The following MEOX2 variants were observed in gnomAD, a reference collection of about 807,000 sequenced individuals.
MEOX2 encodes the protein mesenchyme homeobox 2.
In MEOX2, 11 loss-of-function variants were observed where a neutral mutation model predicts 27.0. The observed-to-expected ratio is 0.41, with a 90% confidence interval of 0.26 to 0.68. The LOEUF is 0.68. Ranked by LOEUF, MEOX2 falls within the 30% of genes least tolerant of loss-of-function variation. The probability of loss-of-function intolerance (pLI) is 0.33; values close to 1 mark genes in which losing one functional copy is unlikely to be tolerated. For synonymous variants in MEOX2, 189 were observed against 155.4 expected (o/e 1.22, Z -1.61); for missense variants, 436 against 385.4 (o/e 1.13, Z -1.10).
At chr7:15,670,726 A>G (rs1408195954) in intron 1 of MEOX2, among the ~76,000 whole-genome samples, 3 of 152,228 alleles carry the variant, frequency 2.0e-5, no homozygotes, top group Non-Finnish European at 4.4e-5. Flanking sequence ...ATTGATGCTG[A>G]GCATATATGT....
chr7:15,648,205 T>A (rs1485586659), intron 1 of MEOX2, among the ~76,000 whole-genome samples: 1 of 152,096 alleles, frequency 6.6e-6, no homozygotes. Context: ...CTTCTCTGAA[T>A]TATTATGAAC....
intron 1 of MEOX2, among the ~76,000 whole-genome samples, chr7:15,668,696 GA>G (rs1562612745): frequency 6.6e-6 from 1 of 151,906 alleles, no homozygotes. Flanking sequence ...GGCTCGTCTC[GA>G]ACTCCTGATC....
At chr7:15,643,951 G>C (rs967660380) in intron 1 of MEOX2, among the ~76,000 whole-genome samples, 1 of 152,182 alleles carries the variant, frequency 6.6e-6, no homozygotes, top group African/African-American at 2.4e-5. Flanking sequence ...AACAAAACAA[G>C]ACAATGCTGT....
At chr7:15,675,421 A>T (rs1002179458) in intron 1 of MEOX2, among the ~76,000 whole-genome samples, 1 of 152,228 alleles carries the variant, frequency 6.6e-6, no homozygotes, top group Non-Finnish European at 1.5e-5. Context: ...TGTTCACTTA[A>T]AAGCAGTAGT....
At chr7:15,641,837 G>C (rs759092103) in intron 1 of MEOX2, among the ~76,000 whole-genome samples, 1 of 151,828 alleles carries the variant, frequency 6.6e-6, no homozygotes, top group Non-Finnish European at 1.5e-5. Flanking sequence ...GTGTTTGCTT[G>C]TTTGAAAAAA....
intron 1 of MEOX2, among the ~76,000 whole-genome samples, chr7:15,667,742 T>C (rs968848144): frequency 1.3e-5 from 2 of 152,194 alleles, no homozygotes; most frequent in Non-Finnish European, 2.9e-5. Flanking sequence ...CTAAGGTTAA[T>C]AAGTGATTTT....
chr7:15,643,539 T>C (rs552316367), intron 1 of MEOX2, among the ~76,000 whole-genome samples: 6 of 152,264 alleles, frequency 3.9e-5, no homozygotes, highest in African/African-American at 1.4e-4. Flanking sequence ...ACATGAGTCA[T>C]GCCCAGGGGA....
At chr7:15,655,122 T>A (rs1034255491) in intron 1 of MEOX2, among the ~76,000 whole-genome samples, 1 of 151,686 alleles carries the variant, frequency 6.6e-6, no homozygotes, top group Non-Finnish European at 1.5e-5. Flanking sequence ...TTGTGCTTTT[T>A]AAAAAGTGGG....
intron 2 of MEOX2, among the ~76,000 whole-genome samples, chr7:15,626,540 A>T (rs1324203087): frequency 6.6e-6 from 1 of 151,982 alleles, no homozygotes. Context: ...TTCTTTCTTC[A>T]ACTCAATAAG....
chr7:15,614,078 G>T (rs1222246442), intron 2 of MEOX2, among the ~76,000 whole-genome samples: 1 of 150,416 alleles, frequency 6.6e-6, no homozygotes, highest in South Asian at 2.1e-4. Context: ...CTAGTGTTTT[G>T]TGTTTTCTTT....
chr7:15,659,931 C>A (rs1446032123), intron 1 of MEOX2, among the ~76,000 whole-genome samples: 3 of 152,068 alleles, frequency 2.0e-5, no homozygotes, highest in Non-Finnish European at 4.4e-5. Context: ...GCACACAGAA[C>A]TACAGACTTT....
chr7:15,643,341 G>A (rs1346022386), intron 1 of MEOX2, among the ~76,000 whole-genome samples: 3 of 152,156 alleles, frequency 2.0e-5, no homozygotes, highest in Non-Finnish European at 4.4e-5. Flanking sequence ...AAAGCTGGGT[G>A]ACGCTGGGTC....
At chr7:15,629,026 T>C (rs972724618) in intron 1 of MEOX2, among the ~76,000 whole-genome samples, 4 of 152,028 alleles carry the variant, frequency 2.6e-5, no homozygotes, top group Admixed American at 1.3e-4. Flanking sequence ...CTCTTTTCCT[T>C]TCAGTCAAGC....
intron 1 of MEOX2, among the ~76,000 whole-genome samples, chr7:15,628,901 G>A (rs1548691): frequency 0.66 from 99,633 of 151,918 alleles, 32,934 homozygotes; most frequent in East Asian, 0.81. Flanking sequence ...TATTCAGATA[G>A]CAAGACCTTC....
At chr7:15,619,270 G>C (rs953122421) in intron 2 of MEOX2, among the ~76,000 whole-genome samples, 7 of 151,926 alleles carry the variant, frequency 4.6e-5, no homozygotes, top group Admixed American at 4.6e-4. Flanking sequence ...ATGGATGCAA[G>C]AATAGTGTAG....
At chr7:15,628,897 G>C (rs953543922) in intron 1 of MEOX2, among the ~76,000 whole-genome samples, 1 of 152,070 alleles carries the variant, frequency 6.6e-6, no homozygotes, top group African/African-American at 2.4e-5. Flanking sequence ...AGAATATTCA[G>C]ATAGCAAGAC....
At chr7:15,651,537 G>A (rs558166775) in intron 1 of MEOX2, among the ~76,000 whole-genome samples, 2 of 152,062 alleles carry the variant, frequency 1.3e-5, no homozygotes, top group South Asian at 4.1e-4. Context: ...GCACCAGGCT[G>A]TATTCTAAGC....
chr7:15,655,775 T>C (rs1208252105), intron 1 of MEOX2, among the ~76,000 whole-genome samples: 2 of 151,814 alleles, frequency 1.3e-5, no homozygotes, highest in Non-Finnish European at 3.0e-5. Flanking sequence ...GTTCAGGTTA[T>C]GGTGTACCTT....
At chr7:15,629,337 A>T (rs998377323) in intron 1 of MEOX2, among the ~76,000 whole-genome samples, 36 of 152,182 alleles carry the variant, frequency 2.4e-4, no homozygotes, top group African/African-American at 8.4e-4. Flanking sequence ...AACTAGAAAT[A>T]TACAACAGGA....
Sources: gnomAD v4.1 joint callset for allele counts (sites outside exome capture counted in the v4.1 genomes callset) on GRCh38, gnomAD v4.1.1 for gene constraint, MANE v1.5 for transcripts, NCBI Gene and HGNC (gene_info 2026-07-23, HGNC 2026-07-21) for gene names.